The following LRBA variants were observed in gnomAD, a reference collection of about 807,000 sequenced individuals.
LRBA encodes the protein lipopolysaccharide-responsive and beige-like anchor protein.
In LRBA, 176 loss-of-function variants were observed where a neutral mutation model predicts 330.0. The ratio of observed to expected loss-of-function variants is 0.53; its 90% CI spans 0.47 to 0.60. The LOEUF (loss-of-function observed/expected upper bound fraction) is 0.60, where lower values mean the gene tolerates loss of function less well. Among genes scored for constraint, LRBA ranks in the 20% least tolerant of loss-of-function variants. LRBA has a pLI of 0.00. For missense variants in LRBA, 3,259 were observed against 3,444.8 expected (o/e 0.95, Z 1.35); for synonymous variants, 1,230 against 1,193.0 (o/e 1.03, Z -0.64).
intron 5 of LRBA, among the ~76,000 whole-genome samples, chr4:150,920,118 T>C (rs1733078544): frequency 6.6e-6 from 1 of 152,214 alleles, no homozygotes; most frequent in Non-Finnish European, 1.5e-5. Context: ...ACAAATGTCA[T>C]ATTAAAACAT....
intron 2 of LRBA, among the ~76,000 whole-genome samples, chr4:150,988,957 C>A (rs207465172): frequency 6.6e-6 from 1 of 151,740 alleles, no homozygotes; most frequent in South Asian, 2.1e-4. Flanking sequence ...GGGGGGGACA[C>A]GGTAATTATC....
chr4:150,274,804 CA>C (rs1393093350), intron 56 of LRBA, among the ~76,000 whole-genome samples: 1 of 151,808 alleles, frequency 6.6e-6, no homozygotes, highest in Non-Finnish European at 1.5e-5. Flanking sequence ...GCCTACCAAC[CA>C]AAAAAAGTCC....
chr4:150,337,377 C>A (rs1018853410), intron 48 of LRBA, among the ~76,000 whole-genome samples: 1 of 152,040 alleles, frequency 6.6e-6, no homozygotes, highest in African/African-American at 2.4e-5. Flanking sequence ...TTTAGTTACA[C>A]CTAACTTAAC....
chr4:150,950,903 A>G (rs1736769408), intron 2 of LRBA, among the ~76,000 whole-genome samples: 1 of 152,212 alleles, frequency 6.6e-6, no homozygotes, highest in Non-Finnish European at 1.5e-5. Flanking sequence ...TGAGAATGTG[A>G]GCTAAGTCAG....
chr4:150,624,965 G>A lies in LRBA; in HGVS notation c.5922-25834C>T, dbSNP rs186164179. 9.2e-5 allele frequency among the ~76,000 whole-genome samples: 14 copies of A among 152,254 alleles called. No homozygotes were observed. The East Asian group carries it at 2.3e-3, about 25-fold the overall frequency. ...CAGAAAGAAACACTCATTTTATATT[G>A]GATTGTTTGGCTTTTTCTATCTATT... On this transcript the variant is annotated intron_variant, in intron 37 of 56. Coordinates refer to ENST00000651943, the MANE Select transcript of LRBA (RefSeq NM_001364905.1).
At chr4:150,606,952 C>G (rs7655913) in intron 37 of LRBA, among the ~76,000 whole-genome samples, 10,271 of 152,096 alleles carry the variant, frequency 0.068, 582 homozygotes, top group East Asian at 0.18. Flanking sequence ...AAGAGTAAAC[C>G]GATGACTTTT....
At chr4:150,454,786 T>C (rs1753835061) in intron 44 of LRBA, among the ~76,000 whole-genome samples, 2 of 152,020 alleles carry the variant, frequency 1.3e-5, no homozygotes, top group African/African-American at 4.8e-5. Flanking sequence ...CTGTATGCCT[T>C]TGCATACCCA....
At chr4:150,642,929 C>T (rs1778817988) in intron 37 of LRBA, among the ~76,000 whole-genome samples, 1 of 151,802 alleles carries the variant, frequency 6.6e-6, no homozygotes, top group Admixed American at 6.6e-5. Flanking sequence ...GTTATATTCG[C>T]ATCATTATTG....
intron 37 of LRBA, among the ~76,000 whole-genome samples, chr4:150,619,991 G>C (rs901429256): frequency 1.8e-4 from 27 of 151,982 alleles, no homozygotes; most frequent in African/African-American, 6.3e-4. Context: ...ATTCCTAAAT[G>C]AATGTAATTT....
At chr4:150,622,891 G>T (rs914868968) in intron 37 of LRBA, among the ~76,000 whole-genome samples, 1 of 151,986 alleles carries the variant, frequency 6.6e-6, no homozygotes, top group Non-Finnish European at 1.5e-5. Context: ...TAGAGATGGG[G>T]TTTCACCGTG....
At chr4:150,788,790 C>G (rs1241292076) in intron 34 of LRBA, among the ~76,000 whole-genome samples, 1 of 142,772 alleles carries the variant, frequency 7.0e-6, no homozygotes, top group Admixed American at 7.3e-5. Flanking sequence ...AATTCAAAAT[C>G]TAGGTCAGGC....
At chr4:150,861,988 A>C (rs1752003208) in intron 22 of LRBA, among the ~76,000 whole-genome samples, 1 of 152,038 alleles carries the variant, frequency 6.6e-6, no homozygotes, top group Non-Finnish European at 1.5e-5. Flanking sequence ...CTCCAAAAAA[A>C]AAAAAAAGTT....
At chr4:150,861,620 G>A (rs930478068) in intron 22 of LRBA, among the ~76,000 whole-genome samples, 12 of 152,102 alleles carry the variant, frequency 7.9e-5, no homozygotes, top group Non-Finnish European at 2.9e-5. Flanking sequence ...TGCAGGTCTA[G>A]TACACTACAG....
At chr4:150,766,890 G>A (rs986068401) in intron 34 of LRBA, among the ~76,000 whole-genome samples, 16 of 152,054 alleles carry the variant, frequency 1.1e-4, no homozygotes, top group Admixed American at 3.3e-4. Flanking sequence ...TTTCATACCT[G>A]TTCCTAAGCT....
intron 34 of LRBA, among the ~76,000 whole-genome samples, chr4:150,792,220 T>C (rs1349099746): frequency 1.4e-5 from 2 of 146,292 alleles, no homozygotes; most frequent in South Asian, 4.3e-4. Flanking sequence ...AAAAAAAAGG[T>C]TGAAGCGTAC....
At chr4:150,387,171 T>C (rs999839242) in intron 47 of LRBA, among the ~76,000 whole-genome samples, 5 of 152,134 alleles carry the variant, frequency 3.3e-5, no homozygotes, top group African/African-American at 9.7e-5. Context: ...GTCAGATGGA[T>C]AGATTGCAAA....
intron 34 of LRBA, among the ~76,000 whole-genome samples, chr4:150,782,714 C>A (rs1277202284): frequency 1.3e-5 from 2 of 152,094 alleles, no homozygotes; most frequent in African/African-American, 4.8e-5. Context: ...AGACATTTTT[C>A]CAAATAAACT....
At chr4:150,329,198 G>A (rs970739776) in intron 48 of LRBA, among the ~76,000 whole-genome samples, 2 of 152,182 alleles carry the variant, frequency 1.3e-5, no homozygotes, top group African/African-American at 4.8e-5. Context: ...TGAAAAGGCT[G>A]TGGAATTCTC....
chr4:150,681,661 A>G (rs913239343), intron 37 of LRBA, among the ~76,000 whole-genome samples: 3 of 152,194 alleles, frequency 2.0e-5, no homozygotes, highest in Non-Finnish European at 4.4e-5. Flanking sequence ...TTGTGATGGT[A>G]CATCCTTTCT....
Sources: allele counts gnomAD v4.1 joint callset (sites outside exome capture counted in the v4.1 genomes callset), GRCh38; gene constraint gnomAD v4.1.1; transcripts MANE v1.5; gene names NCBI Gene and HGNC (gene_info 2026-07-23, HGNC 2026-07-21).